NAALADL2: variants seen among roughly 807,000 people sequenced by gnomAD.
NAALADL2 encodes inactive N-acetylated-alpha-linked acidic dipeptidase-like protein 2.
In NAALADL2, 76 loss-of-function variants were observed where a neutral mutation model predicts 87.2. The ratio of observed to expected loss-of-function variants is 0.87; its 90% CI spans 0.72 to 1.05. NAALADL2 has a LOEUF of 1.05. Ranked by LOEUF, NAALADL2 falls within the 50% of genes least tolerant of loss-of-function variation. NAALADL2 has a pLI of 0.00. For synonymous variants in NAALADL2, 354 were observed against 331.0 expected, an observed-to-expected ratio of 1.07 and a Z score of -0.75; for missense variants, 1,089 against 945.8, an observed-to-expected ratio of 1.15 and a Z score of -1.99.
intron 9 of NAALADL2, among the ~76,000 whole-genome samples, chr3:175,472,566 G>C (rs1047806448): frequency 2.6e-5 from 4 of 152,154 alleles, no homozygotes; most frequent in African/African-American, 9.6e-5. Context: ...ACTTTTTGGG[G>C]AGTATTGCAG....
intron 1 of NAALADL2, among the ~76,000 whole-genome samples, chr3:175,063,691 C>A (rs1018592133): frequency 1.3e-5 from 2 of 151,802 alleles, no homozygotes; most frequent in Non-Finnish European, 2.9e-5. Context: ...CTACATTGCC[C>A]AGGCTAGTCT....
At chr3:175,774,675 C>T (rs545822886) in intron 13 of NAALADL2, among the ~76,000 whole-genome samples, 2 of 152,032 alleles carry the variant, frequency 1.3e-5, no homozygotes, top group Admixed American at 6.6e-5. Flanking sequence ...ATCTATGCTG[C>T]TCAATGTGGT....
intron 1 of NAALADL2, among the ~76,000 whole-genome samples, chr3:175,067,812 C>A (rs537187179): frequency 6.6e-6 from 1 of 152,148 alleles, no homozygotes; most frequent in East Asian, 1.9e-4. Context: ...CAGCACCATT[C>A]AAAATAGCAA....
At chr3:175,249,541 C>T (rs1361515704) in intron 3 of NAALADL2, among the ~76,000 whole-genome samples, 1 of 151,964 alleles carries the variant, frequency 6.6e-6, no homozygotes, top group Non-Finnish European at 1.5e-5. Flanking sequence ...CTTTATTGAT[C>T]ATATTATTTC....
At chr3:175,719,044 A>C (rs62284555) in intron 11 of NAALADL2, among the ~76,000 whole-genome samples, 16,656 of 152,098 alleles carry the variant, frequency 0.11, 981 homozygotes, top group Middle Eastern at 0.16. Context: ...CGATTGGGCC[A>C]GGGGCCAGGA....
chr3:175,068,907 T>C (rs1336236768), intron 1 of NAALADL2, among the ~76,000 whole-genome samples: 1 of 151,980 alleles, frequency 6.6e-6, no homozygotes, highest in Non-Finnish European at 1.5e-5. Context: ...ATTAAGAAAA[T>C]TGCCAGCAAT....
At chr3:174,994,665 T>G (rs1747191025) in intron 1 of NAALADL2, among the ~76,000 whole-genome samples, 1 of 152,230 alleles carries the variant, frequency 6.6e-6, no homozygotes, top group South Asian at 2.1e-4. Flanking sequence ...TGTAAGAGAA[T>G]AGTAAAAACG....
chr3:174,761,186 G>A lies in NAALADL2; in HGVS notation c.-9+23440G>A, dbSNP rs978646571. Among the ~76,000 whole-genome samples the A allele has an allele frequency of 2.0e-5, 3 of 151,952 alleles. No individual in the cohort carries two copies. The East Asian group carries it at 5.8e-4, about 29-fold the overall frequency. Reference sequence around the variant, plus strand: ...TGGTTCTATATGAAAATCTATTTCCGAGTGCCTAGCAGTATCTATCTTATA... The same window carrying A: ...TGGTTCTATATGAAAATCTATTTCCAAGTGCCTAGCAGTATCTATCTTATA... On this transcript the variant is annotated intron_variant, in intron 3 of 3. Transcript: ENST00000434257.
At chr3:174,977,435 A>G (rs999726647) in intron 1 of NAALADL2, among the ~76,000 whole-genome samples, 3 of 152,172 alleles carry the variant, frequency 2.0e-5, no homozygotes, top group Non-Finnish European at 4.4e-5. Flanking sequence ...TAGATGTGTA[A>G]CCTTTTTAAA....
chr3:175,522,744 T>G (rs12486351), intron 9 of NAALADL2, among the ~76,000 whole-genome samples: 8 of 152,096 alleles, frequency 5.3e-5, no homozygotes, highest in African/African-American at 1.9e-4. Context: ...AATTTAAAAC[T>G]TGCCTGCTTT....
At chr3:174,766,407 C>T (rs1334706001) in intron 3 of NAALADL2, among the ~76,000 whole-genome samples, 4 of 152,270 alleles carry the variant, frequency 2.6e-5, no homozygotes, top group South Asian at 4.1e-4. Flanking sequence ...TTCAGTGTAT[C>T]GCTCAGGCTC....
At chr3:175,362,600 G>C (rs1037611958) in intron 5 of NAALADL2, among the ~76,000 whole-genome samples, 10 of 148,028 alleles carry the variant, frequency 6.8e-5, no homozygotes, top group African/African-American at 2.5e-4. Context: ...CATTTGGGCT[G>C]GTTCCATATT....
At chr3:175,363,774 T>G (rs1338486365) in intron 5 of NAALADL2, among the ~76,000 whole-genome samples, 1 of 148,196 alleles carries the variant, frequency 6.7e-6, no homozygotes, top group Admixed American at 6.9e-5. Context: ...AACAAGTATC[T>G]CAGTCTGTAA....
At chr3:175,741,678 A>G (rs996727856) in intron 12 of NAALADL2, among the ~76,000 whole-genome samples, 1 of 152,192 alleles carries the variant, frequency 6.6e-6, no homozygotes, top group African/African-American at 2.4e-5. Flanking sequence ...CATATTATAA[A>G]AGAGATAATT....
At chr3:174,840,313 T>C (rs185785610) in intron 3 of NAALADL2, among the ~76,000 whole-genome samples, 33 of 152,104 alleles carry the variant, frequency 2.2e-4, no homozygotes, top group African/African-American at 7.7e-4. Context: ...TTATCAAATA[T>C]TTATTGAACA....
At chr3:175,085,074 T>A (rs76362738) in intron 1 of NAALADL2, among the ~76,000 whole-genome samples, 2,025 of 152,272 alleles carry the variant, frequency 0.013, 15 homozygotes, top group Non-Finnish European at 0.023. Context: ...TGAGTTATGT[T>A]CTCCTGTGTA....
At chr3:175,784,940 T>G (rs1751711621) in intron 13 of NAALADL2, among the ~76,000 whole-genome samples, 1 of 130,708 alleles carries the variant, frequency 7.7e-6, no homozygotes, top group Admixed American at 7.3e-5. Flanking sequence ...CATCTTTATT[T>G]CTGCCTTCAT....
chr3:175,623,990 A>G (rs184601696), intron 10 of NAALADL2, among the ~76,000 whole-genome samples: 2 of 150,830 alleles, frequency 1.3e-5, no homozygotes, highest in African/African-American at 4.9e-5. Context: ...TTCCTTCCTG[A>G]TGTGAAATCA....
chr3:174,572,626 C>T (rs961729211), intron 2 of NAALADL2, among the ~76,000 whole-genome samples: 1 of 152,072 alleles, frequency 6.6e-6, no homozygotes, highest in Non-Finnish European at 1.5e-5. Context: ...TACCTATAAA[C>T]CATTGTGTCT....
Sources: allele counts gnomAD v4.1 joint callset (sites outside exome capture counted in the v4.1 genomes callset), GRCh38; gene constraint gnomAD v4.1.1; transcripts MANE v1.5; gene names NCBI Gene and HGNC (gene_info 2026-07-23, HGNC 2026-07-21).